Variants in TMCO5A observed in about 807,000 individuals in gnomAD.
TMCO5A encodes transmembrane and coiled-coil domains 5A.
Under a neutral mutation model 42.3 loss-of-function variants are expected in TMCO5A, and 34 were observed. The ratio of observed to expected loss-of-function variants is 0.80; its 90% CI spans 0.61 to 1.07. TMCO5A has a LOEUF of 1.07. Among genes scored for constraint, TMCO5A ranks in the 50% least tolerant of loss-of-function variants. TMCO5A has a pLI of 0.00. For synonymous variants in TMCO5A, 131 were observed against 115.6 expected (o/e 1.13, Z -0.86); for missense variants, 357 against 327.9 (o/e 1.09, Z -0.69).
At chr15:37,989,593 A>T in the TMCO5A span, among the ~76,000 whole-genome samples, 1 of 152,064 alleles carries the variant, frequency 6.6e-6, no homozygotes, top group Admixed American at 6.6e-5. Flanking sequence ...CAAATTCATG[A>T]ATTTTCCAAT....
downstream of TMCO5A, among the ~76,000 whole-genome samples, chr15:37,968,194 C>T (rs1271971762): frequency 6.6e-6 from 1 of 152,170 alleles, no homozygotes; most frequent in Non-Finnish European, 1.5e-5. Flanking sequence ...CTCAGCCCTA[C>T]TCTGCCCTGT....
the TMCO5A span, among the ~76,000 whole-genome samples, chr15:38,011,186 T>G: frequency 4.6e-5 from 7 of 152,176 alleles, no homozygotes; most frequent in Admixed American, 3.3e-4. Context: ...AAGGTTGGAA[T>G]CAAGATATCG....
At chr15:37,937,933 C>T (rs1412226584) in intron 5 of TMCO5A, among the ~76,000 whole-genome samples, 1 of 151,904 alleles carries the variant, frequency 6.6e-6, no homozygotes, top group East Asian at 1.9e-4. Context: ...ATTAGGGGTT[C>T]AGGAAAGTAC....
the TMCO5A span, among the ~76,000 whole-genome samples, chr15:38,032,298 A>T: frequency 2.0e-5 from 3 of 152,288 alleles, no homozygotes; most frequent in African/African-American, 7.2e-5. Flanking sequence ...TTTCCTCAGT[A>T]GATTTCCCCA....
chr15:37,988,403 A>C, the TMCO5A span, among the ~76,000 whole-genome samples: 1 of 151,958 alleles, frequency 6.6e-6, no homozygotes, highest in African/African-American at 2.4e-5. Context: ...AATGGCAAAC[A>C]TGGGCATCCT....
chr15:37,943,245 G>A, intron 9 of TMCO5A, 96 bp from the exon 10 acceptor site: 2 of 1,168,384 alleles, frequency 1.7e-6, no homozygotes, highest in Non-Finnish European at 1.2e-6. Flanking sequence ...GGACAGTACA[G>A]ATTTAGAATA....
At chr15:37,935,089 A>C (rs1889466267) in intron 1 of TMCO5A, among the ~76,000 whole-genome samples, 168 bp from the exon 2 acceptor site, 8 of 152,148 alleles carry the variant, frequency 5.3e-5, no homozygotes, top group Admixed American at 4.6e-4. Context: ...GAACACGGGC[A>C]GAAGAATCAA....
At chr15:38,018,108 G>A in the TMCO5A span, among the ~76,000 whole-genome samples, 133 of 152,206 alleles carry the variant, frequency 8.7e-4, no homozygotes, top group East Asian at 5.0e-3. Flanking sequence ...ATAGCAGTGC[G>A]AAAATGGACT....
chr15:37,950,376 G>A (rs1014660189), intron 11 of TMCO5A, among the ~76,000 whole-genome samples: 6 of 152,074 alleles, frequency 3.9e-5, no homozygotes, highest in African/African-American at 1.4e-4. Flanking sequence ...TATTAAAATC[G>A]AGAATTTTTT....
intron 2 of TMCO5A, chr15:37,936,019 C>T (rs190216155): frequency 1.6e-4 from 35 of 216,702 alleles, no homozygotes; most frequent in Non-Finnish European, 1.4e-4. Context: ...TTCTCCCCAG[C>T]GCAAGGGGTT....
the TMCO5A span, among the ~76,000 whole-genome samples, chr15:38,024,405 A>C: frequency 4.6e-5 from 7 of 152,220 alleles, no homozygotes; most frequent in Non-Finnish European, 1.0e-4. Context: ...GCCTGTAATC[A>C]CTCACTGTGA....
chr15:37,987,652 C>A, the TMCO5A span, among the ~76,000 whole-genome samples: 1 of 151,946 alleles, frequency 6.6e-6, no homozygotes, highest in African/African-American at 2.4e-5. Flanking sequence ...TCTTGGCACA[C>A]TTATCAAAAC....
At chr15:37,986,277 G>A in the TMCO5A span, among the ~76,000 whole-genome samples, 4 of 151,848 alleles carry the variant, frequency 2.6e-5, no homozygotes, top group Admixed American at 2.6e-4. Context: ...CTGCTTAGAA[G>A]CCATAAAGAA....
chr15:38,013,024 G>A, the TMCO5A span, among the ~76,000 whole-genome samples: 2 of 152,158 alleles, frequency 1.3e-5, no homozygotes, highest in Non-Finnish European at 2.9e-5. Context: ...TGTAGGATAG[G>A]AGAGAAGTCA....
the TMCO5A span, among the ~76,000 whole-genome samples, chr15:38,029,894 T>G: frequency 6.6e-6 from 1 of 152,186 alleles, no homozygotes. Flanking sequence ...TGGGGTTTTT[T>G]GGCAGCAAAC....
chr15:38,000,432 G>T, the TMCO5A span, among the ~76,000 whole-genome samples: 2 of 151,520 alleles, frequency 1.3e-5, no homozygotes, highest in African/African-American at 4.8e-5. Context: ...CTGGCTAAAA[G>T]TTTCTCGGTT....
At chr15:37,977,549 C>T in the TMCO5A span, among the ~76,000 whole-genome samples, 10 of 152,284 alleles carry the variant, frequency 6.6e-5, no homozygotes, top group East Asian at 7.7e-4. Flanking sequence ...CCAGTAGATA[C>T]GCTCTTGCTT....
chr15:37,936,696 T>A, intron 3 of TMCO5A, 151 bp from the exon 4 acceptor site: 1 of 1,214,816 alleles, frequency 8.2e-7, no homozygotes, highest in Non-Finnish European at 1.1e-6. Flanking sequence ...ATCAGGCAGG[T>A]CTTCCTGCTT....
chr15:37,976,490 G>A, the TMCO5A span, among the ~76,000 whole-genome samples: 7 of 152,110 alleles, frequency 4.6e-5, no homozygotes, highest in Non-Finnish European at 7.4e-5. Context: ...GATGATGTCC[G>A]TAACTATGTT....
Sources: gnomAD v4.1 joint callset for allele counts (sites outside exome capture counted in the v4.1 genomes callset) on GRCh38, gnomAD v4.1.1 for gene constraint, MANE v1.5 for transcripts, NCBI Gene and HGNC (gene_info 2026-07-23, HGNC 2026-07-21) for gene names.